CSMD3: variants seen among roughly 807,000 people sequenced by gnomAD.
The protein encoded by CSMD3 is CUB and Sushi multiple domains 3.
Under a neutral mutation model 435.2 loss-of-function variants are expected in CSMD3, and 177 were observed. The ratio of observed to expected loss-of-function variants is 0.41; its 90% CI spans 0.36 to 0.46. The LOEUF (loss-of-function observed/expected upper bound fraction) is 0.46. Among genes scored for constraint, CSMD3 ranks in the 20% least tolerant of loss-of-function variants. The probability of loss-of-function intolerance (pLI) is 0.34; values close to 1 mark genes in which losing one functional copy is unlikely to be tolerated. For missense variants in CSMD3, 4,265 were observed against 4,504.6 expected (o/e 0.95, Z 1.52); for synonymous variants, 1,656 against 1,520.5 (o/e 1.09, Z -2.07).
intron 17 of CSMD3, among the ~76,000 whole-genome samples, chr8:112,664,556 T>A (rs539922367): frequency 6.6e-6 from 1 of 152,338 alleles, no homozygotes; most frequent in Admixed American, 6.5e-5. Flanking sequence ...TGAAAATTTT[T>A]AAAAATGTGT....
intron 12 of CSMD3, among the ~76,000 whole-genome samples, chr8:112,816,719 G>C (rs1463191633): frequency 6.6e-6 from 1 of 151,798 alleles, no homozygotes; most frequent in African/African-American, 2.4e-5. Flanking sequence ...AACAAACTAA[G>C]AGCAATGATA....
At chr8:112,546,735 G>A (rs1827215875) in intron 27 of CSMD3, among the ~76,000 whole-genome samples, 2 of 152,170 alleles carry the variant, frequency 1.3e-5, no homozygotes, top group South Asian at 2.1e-4. Context: ...ACAGCACATA[G>A]GACAGCGTGA....
At position 113,166,429 on chromosome 8, in the gene CSMD3, C is replaced by T. The variant is rs1244786208; in HGVS notation, c.709+7293G>A. Among the ~76,000 whole-genome samples the T allele has an allele frequency of 3.3e-5, 5 of 152,006 alleles. No individual in the cohort carries two copies. In the South Asian group the frequency reaches 6.2e-4, roughly 19 times the overall value. On this transcript the variant is annotated intron_variant, in intron 4 of 70. Transcript: ENST00000297405. The stretch of plus-strand genomic sequence containing the variant: ...ATAAGCCAGGAGAATTGCTTGAACC[C>T]GGGAGATGGAGGTTGCAGTGAGCTG...
At chr8:113,233,303 T>C (rs2093110578) in intron 3 of CSMD3, among the ~76,000 whole-genome samples, 1 of 151,440 alleles carries the variant, frequency 6.6e-6, no homozygotes, top group Admixed American at 6.6e-5. Context: ...TAGTTGATGC[T>C]ATTGTGTCAT....
chr8:113,375,390 C>T, intron 1 of CSMD3, among the ~76,000 whole-genome samples: 1 of 152,034 alleles, frequency 6.6e-6, no homozygotes, highest in East Asian at 1.9e-4. Flanking sequence ...AAGTAAAATT[C>T]GCTTTGAGTT....
At chr8:113,196,785 C>A (rs2092660986) in intron 3 of CSMD3, among the ~76,000 whole-genome samples, 1 of 151,218 alleles carries the variant, frequency 6.6e-6, no homozygotes, top group African/African-American at 2.4e-5. Flanking sequence ...TGCAGAAAGA[C>A]TGAAATCTTC....
intron 6 of CSMD3, among the ~76,000 whole-genome samples, chr8:112,984,986 A>G (rs2085198572): frequency 7.6e-6 from 1 of 131,826 alleles, no homozygotes; most frequent in Non-Finnish European, 1.6e-5. Context: ...TAGATACATG[A>G]TAGATTATGA....
intron 3 of CSMD3, among the ~76,000 whole-genome samples, chr8:113,208,478 A>T (rs190017216): frequency 1.8e-4 from 28 of 152,286 alleles, no homozygotes; most frequent in African/African-American, 6.0e-4. Flanking sequence ...TCTGGTACAT[A>T]ATAACCAATT....
intron 1 of CSMD3, among the ~76,000 whole-genome samples, chr8:113,406,639 G>A (rs933664124): frequency 2.0e-5 from 3 of 151,960 alleles, no homozygotes; most frequent in East Asian, 3.9e-4. Flanking sequence ...TATATAAAAT[G>A]AGGGTGTGCA....
intron 37 of CSMD3, among the ~76,000 whole-genome samples, chr8:112,382,337 CT>C (rs1448353683): frequency 8.7e-5 from 13 of 149,420 alleles, no homozygotes; most frequent in Non-Finnish European, 1.5e-4. Context: ...AGTATTACCC[CT>C]AACCTATTAC....
At chr8:112,236,604 G>T (rs1264436804) in intron 67 of CSMD3, among the ~76,000 whole-genome samples, 1 of 152,126 alleles carries the variant, frequency 6.6e-6, no homozygotes, top group Admixed American at 6.5e-5. Flanking sequence ...GTCATTGGGA[G>T]TATTGCTTGA....
chr8:112,272,048 C>T (rs376925137), intron 59 of CSMD3, among the ~76,000 whole-genome samples: 2 of 152,124 alleles, frequency 1.3e-5, no homozygotes, highest in Admixed American at 1.3e-4. Context: ...TAACATGCAC[C>T]CCTTTTGTCA....
intron 6 of CSMD3, among the ~76,000 whole-genome samples, chr8:112,983,749 T>A (rs531455511): frequency 3.3e-5 from 5 of 152,022 alleles, no homozygotes; most frequent in Admixed American, 1.3e-4. Flanking sequence ...ATATGATTGT[T>A]AAATAACTGG....
intron 7 of CSMD3, among the ~76,000 whole-genome samples, chr8:112,971,711 G>A (rs1312770621): frequency 6.6e-6 from 1 of 152,102 alleles, no homozygotes; most frequent in Non-Finnish European, 1.5e-5. Flanking sequence ...GCAAAGTGAG[G>A]TGTGGTGTTA....
At chr8:112,333,839 A>G (rs2130938066) in intron 45 of CSMD3, among the ~76,000 whole-genome samples, 1 of 152,318 alleles carries the variant, frequency 6.6e-6, no homozygotes, top group African/African-American at 2.4e-5. Context: ...CAAGCAGTAC[A>G]TAAAATGATA....
chr8:113,048,371 G>T (rs961340058), intron 5 of CSMD3, among the ~76,000 whole-genome samples: 2 of 152,124 alleles, frequency 1.3e-5, no homozygotes, highest in African/African-American at 4.8e-5. Flanking sequence ...GGGATTACAG[G>T]CGTGAGCCAC....
At chr8:112,825,702 C>T (rs2079657773) in intron 12 of CSMD3, among the ~76,000 whole-genome samples, 1 of 152,138 alleles carries the variant, frequency 6.6e-6, no homozygotes, top group Non-Finnish European at 1.5e-5. Flanking sequence ...GGATGGGTGT[C>T]TGTTCCTTCC....
chr8:113,294,318 TCTA>T (rs1229474851), intron 2 of CSMD3, among the ~76,000 whole-genome samples: 5 of 152,216 alleles, frequency 3.3e-5, no homozygotes, highest in Middle Eastern at 3.4e-3. Context: ...TTATTAAGTT[TCTA>T]CTATGAATCA....
intron 40 of CSMD3, among the ~76,000 whole-genome samples, chr8:112,348,935 T>C (rs1825906490): frequency 6.6e-6 from 1 of 152,104 alleles, no homozygotes; most frequent in Non-Finnish European, 1.5e-5. Flanking sequence ...ATGTAAGCAA[T>C]ATAGCAAGAT....
Sources: allele counts gnomAD v4.1 joint callset (sites outside exome capture counted in the v4.1 genomes callset), GRCh38; gene constraint gnomAD v4.1.1; transcripts MANE v1.5; gene names NCBI Gene and HGNC (gene_info 2026-07-23, HGNC 2026-07-21).